Variants in TSGA10 observed in about 807,000 individuals in gnomAD.
The protein encoded by TSGA10 is testis specific 10, also known as testis-specific gene 10 protein.
A neutral mutation model predicts 96.6 loss-of-function variants in TSGA10; 43 were observed. That is an observed-to-expected ratio of 0.44 (90% CI 0.35 to 0.57). The LOEUF is 0.57. TSGA10 is among the 20% of genes least tolerant of loss of function. TSGA10 has a pLI of 0.01. For missense variants in TSGA10, 703 were observed against 834.4 expected (o/e 0.84, Z 1.94); for synonymous variants, 229 against 269.9 (o/e 0.85, Z 1.48).
intron 7 of TSGA10, among the ~76,000 whole-genome samples, chr2:99,107,431 T>C (rs186961550): frequency 6.6e-6 from 1 of 152,276 alleles, no homozygotes; most frequent in Admixed American, 6.5e-5. Flanking sequence ...GTAAAAATGA[T>C]ACTTTGTTCA....
In TSGA10 at chr2:99,105,546, C is replaced by T. The variant is rs1176691812; in HGVS notation, c.362G>A (p.Ser121Asn). 6.2e-7 allele frequency: 1 copy of T among 1,612,776 alleles called. No individual in the cohort carries two copies. Among genetic ancestry groups the T allele is most frequent in the Non-Finnish European group, 8.5e-7 (1 of 1,178,784 alleles). The change falls in exon 8 of 21, where the codon AGT (serine) becomes AAT (asparagine). Residue 121 changes from serine to asparagine, a missense_variant. Transcript: ENST00000393483. ...DLRRMTTERD[S>N]LRERLKIAQE... The stretch of plus-strand genomic sequence containing the variant: ...TCCAACCTTTAGCCTCTCCCTTAGA[C>T]TATCTCGTTCTGTGGTCATTCTTCG...
At chr2:99,056,329 T>A (rs2083987241) in intron 16 of TSGA10, among the ~76,000 whole-genome samples, 1 of 151,980 alleles carries the variant, frequency 6.6e-6, no homozygotes, top group African/African-American at 2.4e-5. Context: ...ATTAATAGAA[T>A]CAGAAATGAA....
At chr2:99,042,982 A>C (rs2082347342) in intron 16 of TSGA10, among the ~76,000 whole-genome samples, 2 of 152,150 alleles carry the variant, frequency 1.3e-5, no homozygotes, top group Admixed American at 6.5e-5. Flanking sequence ...TACAGGGATG[A>C]GGCCACCATG....
At chr2:99,042,079 G>C (rs1289731023) in intron 16 of TSGA10, among the ~76,000 whole-genome samples, 1 of 130,998 alleles carries the variant, frequency 7.6e-6, no homozygotes, top group African/African-American at 3.0e-5. Flanking sequence ...GTCTTACTCT[G>C]TTGCCCAGGC....
intron 1 of TSGA10, among the ~76,000 whole-genome samples, chr2:99,153,704 C>G (rs1056837163): frequency 1.1e-4 from 16 of 152,152 alleles, no homozygotes; most frequent in African/African-American, 3.9e-4. Flanking sequence ...TAACTCTGAA[C>G]AAAATTCATT....
chr2:99,057,805 G>A (rs2084178056), intron 16 of TSGA10, among the ~76,000 whole-genome samples: 1 of 152,076 alleles, frequency 6.6e-6, no homozygotes. Flanking sequence ...TTGAAAAAAT[G>A]AAAACAAAGC....
intron 20 of TSGA10, among the ~76,000 whole-genome samples, chr2:99,008,181 A>G (rs2078671435): frequency 6.6e-6 from 1 of 152,218 alleles, no homozygotes; most frequent in Non-Finnish European, 1.5e-5. Flanking sequence ...AGATGCATTA[A>G]AGGAAAAGCT....
intron 17 of TSGA10, among the ~76,000 whole-genome samples, chr2:99,027,319 T>G (rs2080705115): frequency 6.6e-6 from 1 of 152,182 alleles, no homozygotes; most frequent in Admixed American, 6.5e-5. Context: ...AAATACTGTA[T>G]GATCTTACTT....
At position 99,018,224 on chromosome 2, in the gene TSGA10, C is replaced by G. The variant is rs770482857; in HGVS notation, c.2048G>C (p.Arg683Pro). 6.2e-7 allele frequency: 1 copy of G among 1,613,740 alleles called. No homozygotes were observed. Among genetic ancestry groups the G allele is most frequent in the South Asian group, 1.1e-5 (1 of 91,062 alleles). ...CTCTTCTAATGATCGATCTAGGCCTCGGTCAGGAGATCGATGGTGAGCACG... is the reference window on the plus strand; with the variant it reads ...CTCTTCTAATGATCGATCTAGGCCTGGGTCAGGAGATCGATGGTGAGCACG... ...PERAHHRSPD[R>P]GLDRSLEENL... The change falls in exon 20 of 21, where the codon CGA becomes CCA. Residue 683 changes from arginine (R) to proline (P), a missense_variant. Coordinates refer to ENST00000393483, the MANE Select transcript of TSGA10 (RefSeq NM_025244.4).
rs186568927 is a variant in TSGA10, at chr2:99,103,984, T to C, written c.594A>G (p.Ala198=). 540 of 1,614,110 alleles carry C rather than the reference T, an allele frequency of 3.3e-4. 4 individuals are homozygous for C. The East Asian group carries it at 0.011, about 34-fold the overall frequency. ...DTESELGRQK[A]ENNSLRLLYE... ...TAGTTTACCTCAAAGAATTATTCTC[T>C]GCTTTTTGTCTGCCAAGTTCACTTT... The change falls in exon 10 of 21, where the codon GCA becomes GCG. Residue 198 remains alanine (A), a synonymous_variant. Coordinates refer to ENST00000393483, the MANE Select transcript of TSGA10 (RefSeq NM_025244.4).
chr2:99,103,827 G>GC, intron 10 of TSGA10, 140 bp downstream of exon 10: 1 of 970,796 alleles, frequency 1.0e-6, no homozygotes. Flanking sequence ...TTCACTGTGT[G>GC]CCAAGGGTTC....
chr2:99,033,730 C>T (rs139001906), intron 17 of TSGA10, among the ~76,000 whole-genome samples: 5 of 151,978 alleles, frequency 3.3e-5, no homozygotes, highest in Admixed American at 3.3e-4. Flanking sequence ...ATCCCAGCTA[C>T]TTGGGAGGCT....
Position 99,086,931 on chromosome 2 carries a change from G to A in TSGA10, c.612-5534C>T, listed in dbSNP as rs981730860. On this transcript the variant is annotated intron_variant, in intron 10 of 20. Transcript: ENST00000393483. The stretch of plus-strand genomic sequence containing the variant: ...AAAAAAAAAAATTTGGGGGCCGGGC[G>A]CAGTGTCTCATGCCTGTAATCCCAG... Among the ~76,000 whole-genome samples the A allele has an allele frequency of 2.0e-5, 3 of 151,958 alleles. No individual in the cohort carries two copies. The East Asian group carries it at 5.8e-4, about 29-fold the overall frequency.
rs2092405953 is a variant in TSGA10, at chr2:99,118,574, A to C, written c.-379T>G. On this transcript the variant is annotated 5_prime_UTR_variant, in exon 3 of 21. In the 5' UTR this introduces an upstream ATG that the reference lacks. Transcript: ENST00000393483. ...ACTTGACTAAGCTAAATATCAAATCAATCAAGTATTTGCTGCCTAATGTGG... is the reference window on the plus strand; with the variant it reads ...ACTTGACTAAGCTAAATATCAAATCCATCAAGTATTTGCTGCCTAATGTGG... 1.0e-6 allele frequency: 1 copy of C among 984,130 alleles called. No individual in the cohort carries two copies. The highest frequency in any genetic ancestry group is 1.2e-6 in the Non-Finnish European group (1 of 829,006). The allele number at this position is 984,130 out of a possible 1,614,324, so 61.0% of individuals were successfully genotyped here.
At chr2:99,055,941 C>T (rs1445304942) in intron 16 of TSGA10, among the ~76,000 whole-genome samples, 3 of 151,270 alleles carry the variant, frequency 2.0e-5, no homozygotes, top group Admixed American at 1.3e-4. Flanking sequence ...CGGTGGCTCA[C>T]GCCTGTAATC....
At chr2:99,022,439 G>T (rs1461262979) in intron 17 of TSGA10, among the ~76,000 whole-genome samples, 2 of 151,036 alleles carry the variant, frequency 1.3e-5, no homozygotes, top group African/African-American at 4.9e-5. Flanking sequence ...CATATAAACG[G>T]AAACAAACAA....
chr2:99,006,056 T>G (rs1276392668), intron 20 of TSGA10, among the ~76,000 whole-genome samples: 1 of 152,198 alleles, frequency 6.6e-6, no homozygotes, highest in East Asian at 1.9e-4. Context: ...GATTCCCTAT[T>G]TAATAAATGA....
At chr2:99,005,866 G>A (rs2078421421) in intron 20 of TSGA10, among the ~76,000 whole-genome samples, 1 of 152,188 alleles carries the variant, frequency 6.6e-6, no homozygotes, top group East Asian at 1.9e-4. Flanking sequence ...CAAAGCTGGA[G>A]GCATCACGTT....
chr2:99,042,286 G>C (rs562201006), intron 16 of TSGA10, among the ~76,000 whole-genome samples: 3 of 152,150 alleles, frequency 2.0e-5, no homozygotes, highest in Non-Finnish European at 4.4e-5. Flanking sequence ...CAGGTCTTAT[G>C]TGGTACCACA....
Sources: gnomAD v4.1 joint callset for allele counts (sites outside exome capture counted in the v4.1 genomes callset) on GRCh38, gnomAD v4.1.1 for gene constraint, MANE v1.5 for transcripts, NCBI Gene and HGNC (gene_info 2026-07-23, HGNC 2026-07-21) for gene names.